Variants in AGMO observed in about 807,000 individuals in gnomAD.
AGMO encodes the protein glyceryl-ether monooxygenase.
In AGMO, 75 loss-of-function variants were observed where a neutral mutation model predicts 60.2. The ratio of observed to expected loss-of-function variants is 1.25; its 90% CI spans 1.03 to 1.51. The LOEUF is 1.51. Ranked by LOEUF, AGMO falls within the 40% of genes most tolerant of loss-of-function variation. The pLI, the probability that AGMO is intolerant of heterozygous loss-of-function variation, is 0.00. For missense variants in AGMO, 763 were observed against 525.5 expected, an observed-to-expected ratio of 1.45 and a Z score of -4.42; for synonymous variants, 261 against 177.1, an observed-to-expected ratio of 1.47 and a Z score of -3.76.
chr7:15,357,681 C>G (rs1483364072), intron 12 of AGMO, among the ~76,000 whole-genome samples: 1 of 152,204 alleles, frequency 6.6e-6, no homozygotes, highest in Non-Finnish European at 1.5e-5. Flanking sequence ...GCCTGGCCCA[C>G]TAGAGGGTGA....
intron 6 of AGMO, among the ~76,000 whole-genome samples, chr7:15,393,329 T>A (rs1053446595): frequency 6.6e-6 from 1 of 152,236 alleles, no homozygotes; most frequent in East Asian, 1.9e-4. Flanking sequence ...CAATAGCATT[T>A]ACTTATGTAT....
intron 12 of AGMO, among the ~76,000 whole-genome samples, chr7:15,283,482 A>G (rs1784023236): frequency 6.6e-6 from 1 of 152,112 alleles, no homozygotes; most frequent in Admixed American, 6.5e-5. Context: ...GTTTAAAAAA[A>G]AGACAAGGTC....
At chr7:15,418,744 A>C in intron 4 of AGMO, 91 bp from the exon 5 acceptor site, 1 of 764,976 alleles carries the variant, frequency 1.3e-6, no homozygotes, top group Non-Finnish European at 2.1e-6. Flanking sequence ...ATATTTCTTT[A>C]GGAAATATAT....
At chr7:15,486,207 A>G (rs1583602306) in intron 3 of AGMO, among the ~76,000 whole-genome samples, 1 of 152,142 alleles carries the variant, frequency 6.6e-6, no homozygotes, top group African/African-American at 2.4e-5. Flanking sequence ...TTCAGTATCT[A>G]GCTCTATCAG....
intron 3 of AGMO, among the ~76,000 whole-genome samples, chr7:15,508,673 G>T (rs115836839): frequency 2.0e-5 from 3 of 151,612 alleles, no homozygotes; most frequent in Non-Finnish European, 4.4e-5. Context: ...TGTACACTGC[G>T]CACAGTGGGA....
rs957882299 is a variant in AGMO, at chr7:15,520,125, A to T, written c.409+24647T>A. 4.6e-5 allele frequency among the ~76,000 whole-genome samples: 7 copies of T among 152,334 alleles called. No homozygotes were observed. In the East Asian group the frequency reaches 1.2e-3, roughly 25 times the overall value. Reference sequence around the variant, plus strand: ...AAGGGCATCATATAATGGTAAAGGCATCAATGCAACAAGAAGAGCTAGCTA... The same window carrying T: ...AAGGGCATCATATAATGGTAAAGGCTTCAATGCAACAAGAAGAGCTAGCTA... On this transcript the variant is annotated intron_variant, in intron 3 of 12. Transcript: ENST00000342526.
At chr7:15,384,969 T>C (rs1401355358) in intron 10 of AGMO, among the ~76,000 whole-genome samples, 1 of 152,092 alleles carries the variant, frequency 6.6e-6, no homozygotes, top group Non-Finnish European at 1.5e-5. Context: ...TCTAGTGCTC[T>C]TCTATTTGCA....
intron 3 of AGMO, among the ~76,000 whole-genome samples, chr7:15,518,591 G>C (rs1047916516): frequency 1.3e-5 from 2 of 152,126 alleles, no homozygotes; most frequent in African/African-American, 2.4e-5. Flanking sequence ...CTCACTGTTA[G>C]AAGGAAAACT....
chr7:15,145,015 G>A, the AGMO span, among the ~76,000 whole-genome samples: 2 of 152,138 alleles, frequency 1.3e-5, no homozygotes, highest in South Asian at 2.1e-4. Context: ...TTTTTAGTAG[G>A]GACGGGGTTT....
At chr7:15,399,179 A>G (rs901134532) in intron 5 of AGMO, among the ~76,000 whole-genome samples, 5 of 152,140 alleles carry the variant, frequency 3.3e-5, no homozygotes, top group African/African-American at 1.2e-4. Context: ...CGGTCTTACA[A>G]CTTGAGAACT....
intron 3 of AGMO, among the ~76,000 whole-genome samples, chr7:15,531,487 T>C (rs28878010): frequency 8.4e-5 from 1 of 11,904 alleles, no homozygotes; most frequent in Non-Finnish European, 1.5e-4. Flanking sequence ...TCTATATATA[T>C]TCTATATATA....
At chr7:15,300,008 C>A (rs2128525633) in intron 12 of AGMO, among the ~76,000 whole-genome samples, 1 of 152,128 alleles carries the variant, frequency 6.6e-6, no homozygotes, top group East Asian at 1.9e-4. Flanking sequence ...TAAATAGAAA[C>A]TGACCAAAGC....
the AGMO span, among the ~76,000 whole-genome samples, chr7:15,142,068 C>T: frequency 6.6e-6 from 1 of 152,162 alleles, no homozygotes; most frequent in Non-Finnish European, 1.5e-5. Context: ...TAATACTATA[C>T]AGTGGGTTTC....
chr7:15,356,987 G>GGTGGCA (rs920524601), intron 12 of AGMO, among the ~76,000 whole-genome samples: 1 of 150,800 alleles, frequency 6.6e-6, no homozygotes, highest in Non-Finnish European at 1.5e-5. Context: ...AGCCAGGTGT[G>GGTGGCA]GTGGCAGGTA....
intron 4 of AGMO, among the ~76,000 whole-genome samples, chr7:15,428,545 G>A (rs1248445563): frequency 6.6e-6 from 1 of 152,068 alleles, no homozygotes; most frequent in Non-Finnish European, 1.5e-5. Flanking sequence ...TAAAGAAAAG[G>A]ACACAAGAGA....
chr7:15,385,412 T>C (rs770713346), intron 10 of AGMO, 34 bp downstream of exon 10: 6 of 1,303,260 alleles, frequency 4.6e-6, no homozygotes, highest in East Asian at 2.3e-5. Context: ...TAACAGATAA[T>C]GTTCTCACAC....
intron 12 of AGMO, among the ~76,000 whole-genome samples, chr7:15,219,195 T>C (rs113758501): frequency 7.9e-5 from 12 of 152,312 alleles, no homozygotes; most frequent in African/African-American, 2.9e-4. Flanking sequence ...CCAGGCCATT[T>C]CTACTCTTAC....
chr7:15,258,614 C>G (rs901849855), intron 12 of AGMO, among the ~76,000 whole-genome samples: 2 of 151,902 alleles, frequency 1.3e-5, no homozygotes, highest in African/African-American at 4.8e-5. Flanking sequence ...GAAGGCCAAG[C>G]AACATAAAAC....
intron 2 of AGMO, among the ~76,000 whole-genome samples, chr7:15,555,833 A>T (rs1208815278): frequency 6.6e-6 from 1 of 152,058 alleles, no homozygotes; most frequent in Non-Finnish European, 1.5e-5. Context: ...TCTATTTATT[A>T]GTTTTCTAAT....
Sources: gnomAD v4.1 joint callset for allele counts (sites outside exome capture counted in the v4.1 genomes callset) on GRCh38, gnomAD v4.1.1 for gene constraint, MANE v1.5 for transcripts, NCBI Gene and HGNC (gene_info 2026-07-23, HGNC 2026-07-21) for gene names.